Variants in UBTD1 observed in about 807,000 individuals in gnomAD.
UBTD1 encodes ubiquitin domain containing 1.
UBTD1 carries 19 observed loss-of-function variants against 21.7 expected under a neutral mutation model. The ratio of observed to expected loss-of-function variants is 0.87; its 90% CI spans 0.61 to 1.28. UBTD1 has a LOEUF of 1.28. UBTD1 is among the 50% of genes most tolerant of loss of function. The pLI is 0.00. For missense variants in UBTD1, 282 were observed against 315.1 expected, an observed-to-expected ratio of 0.89 and a Z score of 0.80; for synonymous variants, 116 against 135.1, an observed-to-expected ratio of 0.86 and a Z score of 0.98.
At chr10:97,566,269 ATTT>A (rs11288150) in intron 1 of UBTD1, among the ~76,000 whole-genome samples, 174 of 144,782 alleles carry the variant, frequency 1.2e-3, no homozygotes, top group African/African-American at 4.2e-3. Context: ...GCATATTGAG[ATTT>A]TTTTTTTTTT....
chr10:97,531,037 G>A (rs7921653), intron 1 of UBTD1, among the ~76,000 whole-genome samples: 2,383 of 150,486 alleles, frequency 0.016, 68 homozygotes, highest in African/African-American at 0.055. Context: ...ACAGGTGCCC[G>A]CCACCACGCC....
Position 97,567,963 on chromosome 10 carries a change from C to G in UBTD1, c.120C>G (p.Tyr40Ter). The G allele has an allele frequency of 3.1e-6, 5 of 1,614,168 alleles. No individual in the cohort carries two copies. The highest frequency in any genetic ancestry group is 4.2e-6 in the Non-Finnish European group (5 of 1,180,032). Reference sequence around the variant, plus strand: ...AGCGGCTTAAGTGGAAGAGCGACTACCCCATGACTGACGGGCAGCTGCGGA... The same window carrying G: ...AGCGGCTTAAGTGGAAGAGCGACTAGCCCATGACTGACGGGCAGCTGCGGA... Reference protein sequence around the residue: ...KKERLKWKSDYPMTDGQLRSK... With the variant: ...KKERLKWKSD Residue 40 changes from tyrosine to a stop codon, truncating the protein, a stop_gained, in exon 2 of 3, where the codon TAC becomes TAG. Transcript: ENST00000370664. LOFTEE classifies it high-confidence loss of function.
chr10:97,502,012 T>C (rs11189242), intron 1 of UBTD1, among the ~76,000 whole-genome samples: 4,359 of 152,266 alleles, frequency 0.029, 86 homozygotes, highest in Non-Finnish European at 0.046. Context: ...AGCAACTACA[T>C]TGCAAGCCTT....
intron 1 of UBTD1, among the ~76,000 whole-genome samples, chr10:97,528,866 C>G (rs1339515611): frequency 6.8e-6 from 1 of 146,546 alleles, no homozygotes; most frequent in African/African-American, 2.5e-5. Context: ...CGCCCCTCAC[C>G]TCCCGGATGG....
intron 1 of UBTD1, among the ~76,000 whole-genome samples, chr10:97,540,096 T>A (rs1589877237): frequency 6.6e-6 from 1 of 152,228 alleles, no homozygotes; most frequent in African/African-American, 2.4e-5. Context: ...TCATCGCCTC[T>A]CCTCCAGAAA....
rs564035317 is a variant in UBTD1 at position 97,503,540 on chromosome 10, CTTACGT to C, written c.70+4269_70+4274del. Among the ~76,000 whole-genome samples, 107 of 152,340 alleles carry C rather than the reference CTTACGT, an allele frequency of 7.0e-4. 1 individual carries two copies. The South Asian group carries it at 0.021, about 30-fold the overall frequency. Reference sequence around the variant, plus strand: ...CTCTGTGATGTGCCAGGCATATCCACTTACGTTCTGGAATCTCAAGCTCGGGGTGGA... The same window carrying C: ...CTCTGTGATGTGCCAGGCATATCCACTCTGGAATCTCAAGCTCGGGGTGGA... On this transcript the variant is annotated intron_variant, in intron 1 of 2. Coordinates refer to ENST00000370664, the MANE Select transcript of UBTD1 (RefSeq NM_024954.5).
chr10:97,570,760 C>T lies in UBTD1; in HGVS notation c.*237C>T, dbSNP rs1450056287. The T allele has an allele frequency of 3.8e-6, 2 of 529,202 alleles. No individual in the cohort carries two copies. Among genetic ancestry groups the T allele is most frequent in the Non-Finnish European group, 6.6e-6 (2 of 301,896 alleles). 32.8% of individuals were successfully genotyped at this position (529,202 alleles called of 1,614,324 possible). ...TCAGAGAAAAGGCGAACAGGGCCCT[C>T]ACCCTGCCTGTCTCCCGAAGCAGGT... is the stretch of plus-strand genomic sequence containing the variant. On this transcript the variant is annotated 3_prime_UTR_variant, in exon 3 of 3. Transcript: ENST00000370664. The surrounding 1 kb of genome is among the most constrained non-coding windows in gnomAD (Gnocchi z 6.6).
At chr10:97,503,692 T>A (rs927709136) in intron 1 of UBTD1, among the ~76,000 whole-genome samples, 2 of 152,144 alleles carry the variant, frequency 1.3e-5, no homozygotes, top group African/African-American at 4.8e-5. Flanking sequence ...CTCCATTTGC[T>A]CAGTAAGTAT....
chr10:97,517,096 G>A (rs577851068), intron 1 of UBTD1, among the ~76,000 whole-genome samples: 1 of 152,278 alleles, frequency 6.6e-6, no homozygotes, highest in South Asian at 2.1e-4. Flanking sequence ...GACCACCTGG[G>A]AGCCTGGTGG....
intron 1 of UBTD1, among the ~76,000 whole-genome samples, chr10:97,522,457 G>C (rs1186364871): frequency 1.3e-5 from 2 of 152,154 alleles, no homozygotes; most frequent in Non-Finnish European, 2.9e-5. Flanking sequence ...GTTTCCTTTA[G>C]GTAAAGTTTT....
At chr10:97,541,564 G>A (rs1229684388) in intron 1 of UBTD1, among the ~76,000 whole-genome samples, 1 of 152,050 alleles carries the variant, frequency 6.6e-6, no homozygotes, top group East Asian at 1.9e-4. Flanking sequence ...AGCTCCTACT[G>A]TGTGCTCCAC....
chr10:97,564,368 T>C (rs1357587215), intron 1 of UBTD1, among the ~76,000 whole-genome samples: 1 of 152,220 alleles, frequency 6.6e-6, no homozygotes, highest in Admixed American at 6.5e-5. Flanking sequence ...AACTGTCTCT[T>C]ATGGGGGAAG....
chr10:97,509,705 C>A (rs912451645), intron 1 of UBTD1, among the ~76,000 whole-genome samples: 4 of 152,168 alleles, frequency 2.6e-5, no homozygotes, highest in Admixed American at 6.5e-5. Context: ...GGCTGGAGTG[C>A]AATGGCATGA....
intron 1 of UBTD1, among the ~76,000 whole-genome samples, chr10:97,563,381 G>A (rs182829788): frequency 3.3e-5 from 5 of 152,184 alleles, no homozygotes; most frequent in East Asian, 1.9e-4. Flanking sequence ...TGAGTAAATC[G>A]AGGCCTCGTC....
At position 97,499,345 on chromosome 10, in the gene UBTD1, T is replaced by C. The variant is rs1472313057; in HGVS notation, c.70+72T>C. ...CCCCCTCCTCGCCCGAGTCCTGGGC[T>C]TACCGATGGACTCCCCACTGGTGCT... On this transcript the variant is annotated intron_variant, in intron 1 of 2. Coordinates refer to ENST00000370664, the MANE Select transcript of UBTD1 (RefSeq NM_024954.5). The C allele has an allele frequency of 2.7e-6, 4 of 1,484,000 alleles. No individual in the cohort carries two copies. In the Admixed American group the frequency reaches 8.6e-5, roughly 32 times the overall value. 91.9% of individuals were successfully genotyped at this position (1,484,000 alleles called of 1,614,324 possible). A position where few individuals can be genotyped will look rare whatever the true frequency, so the allele number is the denominator to read the frequency against.
intron 1 of UBTD1, among the ~76,000 whole-genome samples, chr10:97,545,935 C>G (rs1209954235): frequency 1.3e-5 from 2 of 152,166 alleles, no homozygotes; most frequent in African/African-American, 4.8e-5. Context: ...CAGGCATGTG[C>G]CACCATGCCT....
intron 1 of UBTD1, among the ~76,000 whole-genome samples, chr10:97,543,923 G>A (rs2040597308): frequency 6.6e-6 from 1 of 152,124 alleles, no homozygotes; most frequent in Non-Finnish European, 1.5e-5. Flanking sequence ...GGTGGGGCCT[G>A]GTGCTGGATG....
intron 1 of UBTD1, among the ~76,000 whole-genome samples, chr10:97,541,880 G>A (rs928622752): frequency 4.0e-5 from 6 of 151,878 alleles, no homozygotes; most frequent in East Asian, 3.9e-4. Flanking sequence ...CATTACAGGC[G>A]CCTGCCACCA....
At chr10:97,564,274 C>T (rs1252564027) in intron 1 of UBTD1, among the ~76,000 whole-genome samples, 1 of 152,062 alleles carries the variant, frequency 6.6e-6, no homozygotes, top group Non-Finnish European at 1.5e-5. Context: ...AGGTTGGGGC[C>T]GAGCAAGAAA....
Sources: gnomAD v4.1 joint callset for allele counts (sites outside exome capture counted in the v4.1 genomes callset) on GRCh38, gnomAD v4.1.1 for gene constraint, Gnocchi (gnomAD v3.1) non-coding constraint, MANE v1.5 for transcripts, NCBI Gene and HGNC (gene_info 2026-07-23, HGNC 2026-07-21) for gene names.